SOX6: variants seen among roughly 807,000 people sequenced by gnomAD.
The protein encoded by SOX6 is transcription factor SOX-6.
SOX6 carries 11 observed loss-of-function variants against 97.8 expected under a neutral mutation model. The ratio of observed to expected loss-of-function variants is 0.11; its 90% CI spans 0.07 to 0.19. The LOEUF (loss-of-function observed/expected upper bound fraction) is 0.19, where lower values mean the gene tolerates loss of function less well. Ranked by LOEUF, SOX6 falls within the 10% of genes least tolerant of loss-of-function variation. The probability of loss-of-function intolerance (pLI) is 1.00; values close to 1 mark genes in which losing one functional copy is unlikely to be tolerated. For synonymous variants in SOX6, 360 were observed against 371.4 expected (o/e 0.97, Z 0.35); for missense variants, 810 against 1,039.5 (o/e 0.78, Z 3.04).
chr11:16,704,033 G>A (rs1848113635), intron 3 of SOX6, among the ~76,000 whole-genome samples: 1 of 152,076 alleles, frequency 6.6e-6, no homozygotes, highest in South Asian at 2.1e-4. Context: ...GTTACATAAA[G>A]AACAATGCAA....
At chr11:16,454,686 C>T (rs990956732) in intron 1 of SOX6, among the ~76,000 whole-genome samples, 6 of 152,052 alleles carry the variant, frequency 3.9e-5, no homozygotes, top group African/African-American at 1.4e-4. Flanking sequence ...GTAGTGCATT[C>T]TCCTTTGCAA....
intron 7 of SOX6, among the ~76,000 whole-genome samples, chr11:16,103,944 C>T (rs566185541): frequency 6.6e-6 from 1 of 151,722 alleles, no homozygotes; most frequent in African/African-American, 2.4e-5. Flanking sequence ...GTGATGGGTG[C>T]ACCAAAATCT....
At chr11:16,379,248 C>T (rs1857733225) in intron 1 of SOX6, among the ~76,000 whole-genome samples, 1 of 151,978 alleles carries the variant, frequency 6.6e-6, no homozygotes, top group Non-Finnish European at 1.5e-5. Context: ...GGGTGGATTG[C>T]CTGAGGCTGG....
At chr11:16,170,931 T>G (rs1171236920) in intron 6 of SOX6, among the ~76,000 whole-genome samples, 1 of 152,030 alleles carries the variant, frequency 6.6e-6, no homozygotes, top group African/African-American at 2.4e-5. Context: ...GGGAAAAGAT[T>G]AAAGACCAGA....
chr11:16,566,846 A>T (rs1028428652), intron 4 of SOX6, among the ~76,000 whole-genome samples: 1 of 152,236 alleles, frequency 6.6e-6, no homozygotes, highest in Non-Finnish European at 1.5e-5. Context: ...AAGAACAGAA[A>T]ATAGGTGTTC....
At chr11:16,474,665 G>A (rs183638079) in intron 1 of SOX6, among the ~76,000 whole-genome samples, 2 of 152,090 alleles carry the variant, frequency 1.3e-5, no homozygotes, top group Non-Finnish European at 2.9e-5. Flanking sequence ...TGTCACTCAG[G>A]CTTCCTTATT....
At chr11:15,987,721 G>GAAA (rs5789929) in intron 14 of SOX6, among the ~76,000 whole-genome samples, 2 of 136,538 alleles carry the variant, frequency 1.5e-5, no homozygotes, top group Admixed American at 1.4e-4. Flanking sequence ...CATTTAACTA[G>GAAA]AAAAAAAAAA....
rs571515356 is a variant in SOX6 at position 16,602,310 on chromosome 11, T to A, written n.609+9771A>T. Among the ~76,000 whole-genome samples the A allele has an allele frequency of 2.0e-5, 3 of 152,314 alleles. No homozygotes were observed. In the East Asian group the frequency reaches 5.8e-4, roughly 29 times the overall value. ...TACATGAGAAAAGCAACAGAGGATG[T>A]CACTATGCCTATGGAATTAATGCCC... On this transcript the variant is annotated intron_variant and non_coding_transcript_variant, in intron 4 of 5. Transcript: ENST00000524520.
intron 1 of SOX6, chr11:16,402,677 T>A (rs1858591889): frequency 6.2e-7 from 1 of 1,611,244 alleles, no homozygotes. Flanking sequence ...TCTTCTTTCC[T>A]TCCTCCACCC....
intron 6 of SOX6, among the ~76,000 whole-genome samples, chr11:16,165,558 G>C (rs1173357032): frequency 6.6e-6 from 1 of 152,128 alleles, no homozygotes; most frequent in East Asian, 1.9e-4. Context: ...GAACTACATA[G>C]CATTACTGAT....
intron 3 of SOX6, among the ~76,000 whole-genome samples, chr11:16,619,860 A>T (rs1381817762): frequency 1.3e-5 from 2 of 152,106 alleles, no homozygotes; most frequent in African/African-American, 4.8e-5. Flanking sequence ...ATTTATGTGG[A>T]TATTATTATT....
At chr11:16,086,700 C>A (rs1848585564) in intron 9 of SOX6, among the ~76,000 whole-genome samples, 1 of 152,128 alleles carries the variant, frequency 6.6e-6, no homozygotes. Context: ...AGGGTTCTGG[C>A]ATTCAGCAAA....
At chr11:16,395,626 A>T (rs1370003475) in intron 1 of SOX6, among the ~76,000 whole-genome samples, 2 of 151,828 alleles carry the variant, frequency 1.3e-5, no homozygotes, top group Non-Finnish European at 2.9e-5. Context: ...CTTTTATGCT[A>T]AGAATATTTT....
At chr11:16,306,578 A>G (rs947419532) in intron 3 of SOX6, among the ~76,000 whole-genome samples, 2 of 150,676 alleles carry the variant, frequency 1.3e-5, no homozygotes, top group East Asian at 3.9e-4. Flanking sequence ...ACAGATAAAA[A>G]TCTTGTCCTG....
At chr11:16,131,866 A>T (rs1167014938) in intron 6 of SOX6, among the ~76,000 whole-genome samples, 3 of 152,096 alleles carry the variant, frequency 2.0e-5, no homozygotes, top group Non-Finnish European at 4.4e-5. Context: ...GTCTTAGAAA[A>T]GGCAAAAATA....
chr11:16,000,796 G>T (rs1854384175), intron 13 of SOX6, among the ~76,000 whole-genome samples: 1 of 151,908 alleles, frequency 6.6e-6, no homozygotes, highest in South Asian at 2.1e-4. Flanking sequence ...TATATATAAT[G>T]TACACATAAA....
intron 4 of SOX6, among the ~76,000 whole-genome samples, chr11:16,563,142 A>G (rs1280257976): frequency 6.6e-6 from 1 of 152,254 alleles, no homozygotes; most frequent in African/African-American, 2.4e-5. Context: ...AGCCATGATA[A>G]AAAATATATA....
chr11:15,981,035 C>G (rs966631099), intron 15 of SOX6, among the ~76,000 whole-genome samples: 1 of 152,022 alleles, frequency 6.6e-6, no homozygotes, highest in African/African-American at 2.4e-5. Context: ...TTCAAATAGG[C>G]CCTTACCAAT....
intron 1 of SOX6, among the ~76,000 whole-genome samples, chr11:16,351,717 C>A (rs1276294452): frequency 6.6e-6 from 1 of 152,064 alleles, no homozygotes; most frequent in African/African-American, 2.4e-5. Flanking sequence ...AGGAAACCAA[C>A]TGAGACTATT....
Sources: gnomAD v4.1 joint callset for allele counts (sites outside exome capture counted in the v4.1 genomes callset) on GRCh38, gnomAD v4.1.1 for gene constraint, MANE v1.5 for transcripts, NCBI Gene and HGNC (gene_info 2026-07-23, HGNC 2026-07-21) for gene names.